The following NMNAT2 variants were observed in gnomAD, a reference collection of about 807,000 sequenced individuals.
The protein encoded by NMNAT2 is nicotinamide/nicotinic acid mononucleotide adenylyltransferase 2.
Under a neutral mutation model 41.6 loss-of-function variants are expected in NMNAT2, and 11 were observed. The ratio of observed to expected loss-of-function variants is 0.26; its 90% CI spans 0.17 to 0.44. The LOEUF (loss-of-function observed/expected upper bound fraction) is 0.44, where lower values mean the gene tolerates loss of function less well. Among genes scored for constraint, NMNAT2 ranks in the 20% least tolerant of loss-of-function variants. NMNAT2 has a pLI of 1.00. For synonymous variants in NMNAT2, 148 were observed against 151.2 expected (o/e 0.98, Z 0.16); for missense variants, 288 against 407.7 (o/e 0.71, Z 2.53).
chr1:183,282,400 G>A (rs967265179), intron 7 of NMNAT2, among the ~76,000 whole-genome samples: 5 of 152,230 alleles, frequency 3.3e-5, no homozygotes, highest in African/African-American at 7.2e-5. Context: ...ACAGCAGTAC[G>A]CTGTGCAATA....
chr1:183,384,490 G>A (rs1295207096), intron 1 of NMNAT2, among the ~76,000 whole-genome samples: 4 of 152,166 alleles, frequency 2.6e-5, no homozygotes, highest in Non-Finnish European at 5.9e-5. Flanking sequence ...ATGAGCCACT[G>A]AGCCCAGCTG....
At chr1:183,300,461 C>G (rs776514101) in intron 1 of NMNAT2, among the ~76,000 whole-genome samples, 27 of 150,798 alleles carry the variant, frequency 1.8e-4, no homozygotes, top group Non-Finnish European at 3.1e-4. Context: ...CAGGAACAGG[C>G]CTTCACCAGA....
intron 1 of NMNAT2, among the ~76,000 whole-genome samples, chr1:183,306,186 G>A (rs777307753): frequency 8.5e-5 from 13 of 152,104 alleles, no homozygotes; most frequent in East Asian, 1.9e-4. Flanking sequence ...CTTAGTCCCC[G>A]ACAAACTGTG....
At chr1:183,321,693 C>T (rs1036677160) in intron 1 of NMNAT2, among the ~76,000 whole-genome samples, 4 of 151,188 alleles carry the variant, frequency 2.6e-5, no homozygotes. Context: ...AAGATTGTGC[C>T]ACTGCACTTC....
intron 1 of NMNAT2, among the ~76,000 whole-genome samples, chr1:183,306,361 A>G (rs1213363643): frequency 1.3e-5 from 2 of 152,246 alleles, no homozygotes; most frequent in Admixed American, 1.3e-4. Flanking sequence ...GTTTTCTTCC[A>G]GAAAACATTC....
chr1:183,255,662 G>GTTTTTTTTTTTTTTTTTTTTTT, intron 10 of NMNAT2, among the ~76,000 whole-genome samples: 1 of 100,944 alleles, frequency 9.9e-6, no homozygotes, highest in Non-Finnish European at 2.0e-5. Flanking sequence ...ATTCCTAAGG[G>GTTTTTTTTTTTTTTTTTTTTTT]TTTTTTTTTT....
chr1:183,280,473 C>T (rs542915942), intron 7 of NMNAT2, among the ~76,000 whole-genome samples: 5 of 152,170 alleles, frequency 3.3e-5, no homozygotes, highest in African/African-American at 7.2e-5. Context: ...CTGCAACCTC[C>T]GCCTTTCAGG....
rs146443261 is a variant in NMNAT2, at chr1:183,388,593, T to C, written c.85+29590A>G. On this transcript the variant is annotated intron_variant, in intron 1 of 10. Transcript: ENST00000287713. ...AATTAATCAATAAAAAACTGTTAAA[T>C]GTTTGCAACCACTAGTCCTCAGTTC... is the stretch of plus-strand genomic sequence containing the variant. Among the ~76,000 whole-genome samples the C allele has an allele frequency of 2.9e-3, 447 of 152,372 alleles. 1 individual carries two copies. Among genetic ancestry groups the C allele is most frequent in the Non-Finnish European group, 3.4e-3 (229 of 68,040 alleles).
chr1:183,298,192 G>C lies in NMNAT2; in HGVS notation c.86-4399C>G, dbSNP rs532847413. ...CTGTTATTCAACCAGAAGTTCTAGT[G>C]CACACCATAAGGCAAGAAAAGGAAA... is the stretch of plus-strand genomic sequence containing the variant. On this transcript the variant is annotated intron_variant, in intron 1 of 10. Transcript: ENST00000287713. Among the ~76,000 whole-genome samples the C allele has an allele frequency of 7.2e-5, 11 of 152,162 alleles. No homozygotes were observed. The South Asian group carries it at 2.3e-3, about 32-fold the overall frequency.
intron 1 of NMNAT2, among the ~76,000 whole-genome samples, chr1:183,339,560 C>G (rs146022444): frequency 2.6e-5 from 4 of 152,258 alleles, no homozygotes; most frequent in African/African-American, 7.2e-5. Context: ...GGTCCTTGGA[C>G]AAGAGATTTA....
chr1:183,319,696 T>C (rs74132314), intron 1 of NMNAT2, among the ~76,000 whole-genome samples: 2,031 of 152,318 alleles, frequency 0.013, 37 homozygotes, highest in African/African-American at 0.046. Flanking sequence ...CTTTATTTTT[T>C]GGTTTCCACT....
intron 1 of NMNAT2, among the ~76,000 whole-genome samples, chr1:183,391,044 T>C (rs908491317): frequency 1.3e-5 from 2 of 152,184 alleles, no homozygotes; most frequent in African/African-American, 2.4e-5. Context: ...TAGGGCCACC[T>C]GGTATTTTGC....
chr1:183,286,858 GT>G (rs1661414688), intron 4 of NMNAT2, 70 bp from the exon 5 acceptor site: 6 of 1,524,344 alleles, frequency 3.9e-6, no homozygotes, highest in Non-Finnish European at 5.3e-6. Context: ...TCTCCAAGTG[GT>G]CATCTGCTTG....
At chr1:183,394,362 T>C (rs1320241341) in intron 1 of NMNAT2, among the ~76,000 whole-genome samples, 1 of 152,214 alleles carries the variant, frequency 6.6e-6, no homozygotes, top group Non-Finnish European at 1.5e-5. Flanking sequence ...ATTTTATTCA[T>C]GACAGAAGAG....
intron 1 of NMNAT2, among the ~76,000 whole-genome samples, chr1:183,399,124 C>G (rs1285182600): frequency 6.6e-6 from 1 of 152,008 alleles, no homozygotes. Context: ...AATCCAGGAG[C>G]TGGTTTTTTG....
rs1276795887 is a variant in NMNAT2, at chr1:183,252,425, C to T, written c.*216G>A. On this transcript the variant is annotated 3_prime_UTR_variant, in exon 11 of 11. Transcript: ENST00000287713. ...CCGACTCCCACCCCATTCCCTCACC[C>T]ACCCCCAACCCGGAGACTAGAGGAA... 2 of 533,740 alleles carry T rather than the reference C, an allele frequency of 3.7e-6. No homozygotes were observed. The highest frequency in any genetic ancestry group is 6.8e-6 in the Non-Finnish European group (2 of 296,226). The allele number at this position is 533,740 out of a possible 1,614,324, so 33.1% of individuals were successfully genotyped here.
chr1:183,413,752 G>A (rs1311862959), intron 1 of NMNAT2, among the ~76,000 whole-genome samples: 1 of 151,438 alleles, frequency 6.6e-6, no homozygotes, highest in Non-Finnish European at 1.5e-5. Context: ...GACTACAGGC[G>A]CCCGCAACCA....
At chr1:183,402,866 C>A (rs1369891473) in intron 1 of NMNAT2, among the ~76,000 whole-genome samples, 2 of 146,266 alleles carry the variant, frequency 1.4e-5, no homozygotes, top group African/African-American at 5.0e-5. Flanking sequence ...TTTCTTTCCT[C>A]TTTCCCATTC....
At chr1:183,341,742 A>AAT (rs1662818500) in intron 1 of NMNAT2, among the ~76,000 whole-genome samples, 2 of 137,216 alleles carry the variant, frequency 1.5e-5, no homozygotes, top group African/African-American at 6.0e-5. Flanking sequence ...AAAAAAAAAA[A>AAT]AAAAACCTGT....
Sources: gnomAD v4.1 joint callset for allele counts (sites outside exome capture counted in the v4.1 genomes callset) on GRCh38, gnomAD v4.1.1 for gene constraint, MANE v1.5 for transcripts, NCBI Gene and HGNC (gene_info 2026-07-23, HGNC 2026-07-21) for gene names.